The following YY1 variants were observed in gnomAD, a reference collection of about 807,000 sequenced individuals.
YY1 encodes YY1 transcription factor.
A neutral mutation model predicts 35.6 loss-of-function variants in YY1; 2 were observed. The ratio of observed to expected loss-of-function variants is 0.06; its 90% CI spans 0.02 to 0.18. YY1 has a LOEUF of 0.18. Ranked by LOEUF, YY1 falls within the 10% of genes least tolerant of loss-of-function variation. YY1 has a pLI of 1.00. For missense variants in YY1, 322 were observed against 573.4 expected, an observed-to-expected ratio of 0.56 and a Z score of 4.48; for synonymous variants, 268 against 238.9, an observed-to-expected ratio of 1.12 and a Z score of -1.12.
intron 1 of YY1, among the ~76,000 whole-genome samples, chr14:100,244,484 T>C (rs1395945500): frequency 2.0e-5 from 3 of 151,548 alleles, no homozygotes; most frequent in African/African-American, 4.9e-5. Context: ...AGTTTCGCCA[T>C]GTTGCCCAGG....
chr14:100,275,535 G>A (rs1451476743), intron 3 of YY1, among the ~76,000 whole-genome samples: 1 of 152,150 alleles, frequency 6.6e-6, no homozygotes, highest in Non-Finnish European at 1.5e-5. Flanking sequence ...AAGTGCCTAT[G>A]CCATCCCTTT....
chr14:100,276,355 G>A lies in YY1; in HGVS notation c.904-135G>A, dbSNP rs1008755900. 105 of 1,198,292 alleles carry A rather than the reference G, an allele frequency of 8.8e-5. No homozygotes were observed. The highest frequency in any genetic ancestry group is 2.6e-4 in the Admixed American group (13 of 50,022). 74.2% of individuals were successfully genotyped at this position (1,198,292 alleles called of 1,614,324 possible). ...TCTTAAATGATATTAATGTTCTACC[G>A]TAATACTAAGTAAAATTAAAATGGG... On this transcript the variant is annotated intron_variant, in intron 3 of 4. Transcript: ENST00000262238. This position sits in a 1 kb window ranked among gnomAD's most constrained non-coding sequence, Gnocchi z 4.1.
intron 1 of YY1, among the ~76,000 whole-genome samples, chr14:100,256,543 A>G (rs1891008757): frequency 6.6e-6 from 1 of 152,258 alleles, no homozygotes; most frequent in South Asian, 2.1e-4. Context: ...GTTATATGTT[A>G]CAACAGGTGG....
At chr14:100,249,284 C>A (rs1890886631) in intron 1 of YY1, among the ~76,000 whole-genome samples, 1 of 151,500 alleles carries the variant, frequency 6.6e-6, no homozygotes, top group African/African-American at 2.4e-5. Flanking sequence ...CTACACCCAG[C>A]TAATTTTTGT....
chr14:100,240,016 G>A (rs970179497), intron 1 of YY1, 93 bp downstream of exon 1: 20 of 1,274,454 alleles, frequency 1.6e-5, no homozygotes, highest in African/African-American at 3.2e-5. Flanking sequence ...CATCTTCTTC[G>A]CCAGGGCAAG....
At chr14:100,243,150 T>G (rs1317860166) in intron 1 of YY1, among the ~76,000 whole-genome samples, 1 of 152,242 alleles carries the variant, frequency 6.6e-6, no homozygotes. Context: ...TGAAGGTGAT[T>G]TCATCTTCAG....
rs571482069 is a variant in YY1, at chr14:100,278,300, CTTTT to C, written c.*706_*709del. The C allele has an allele frequency of 6.6e-6, 1 of 151,730 alleles. No homozygotes were observed. The highest frequency in any genetic ancestry group is 1.5e-5 in the Non-Finnish European group (1 of 67,832). The allele number at this position is 151,730 out of a possible 1,614,324, so 9.4% of individuals were successfully genotyped here. Reference sequence around the variant, plus strand: ...AATCAATTTAAACCCATTTTAGTCACTTTTTTTTTCCAAAAAAATACTGCCAGAT... The same window carrying C: ...AATCAATTTAAACCCATTTTAGTCACTTTTTCCAAAAAAATACTGCCAGAT... On this transcript the variant is annotated 3_prime_UTR_variant, in exon 5 of 5. Coordinates refer to ENST00000262238, the MANE Select transcript of YY1 (RefSeq NM_003403.5).
At chr14:100,250,595 T>C (rs1489447996) in intron 1 of YY1, among the ~76,000 whole-genome samples, 1 of 152,178 alleles carries the variant, frequency 6.6e-6, no homozygotes, top group African/African-American at 2.4e-5. Context: ...ATATTAATTC[T>C]GAGGAAATAA....
chr14:100,239,930 G>A lies in YY1; in HGVS notation c.679+7G>A, dbSNP rs1890701705. ...GTCACCATGTGGTCCTCAGGTGAGC[G>A]CCGGCCGCGCGCCCCGGCCCCGGGA... On this transcript the variant is annotated splice_region_variant and intron_variant, in intron 1 of 4. Coordinates refer to ENST00000262238, the MANE Select transcript of YY1 (RefSeq NM_003403.5). 3 of 1,518,792 alleles carry A rather than the reference G, an allele frequency of 2.0e-6. No individual in the cohort carries two copies. The highest frequency in any genetic ancestry group is 1.4e-5 in the African/African-American group (1 of 69,228). The allele number at this position is 1,518,792 out of a possible 1,614,324, so 94.1% of individuals were successfully genotyped here.
intron 1 of YY1, among the ~76,000 whole-genome samples, chr14:100,247,867 G>T (rs775889719): frequency 6.6e-6 from 1 of 152,180 alleles, no homozygotes; most frequent in African/African-American, 2.4e-5. Flanking sequence ...ATGAGTTGGG[G>T]TAGCGGTATC....
At chr14:100,240,719 C>G (rs555337695) in intron 1 of YY1, among the ~76,000 whole-genome samples, 1 of 152,318 alleles carries the variant, frequency 6.6e-6, no homozygotes, top group South Asian at 2.1e-4. Context: ...CTGGCCTTTT[C>G]GCCTTCCTGC....
At position 100,239,340 on chromosome 14, in the gene YY1, G is replaced by A; in HGVS notation, c.96G>A (p.Pro32=). Residue 32 remains proline, a synonymous_variant, in exon 1 of 5, where the codon CCG becomes CCA. Coordinates refer to ENST00000262238, the MANE Select transcript of YY1 (RefSeq NM_003403.5). ...ACGAGATCGAGGTGGAGACCATCCCGGTGGAGACCATCGAGACCACAGTGG... is the reference window on the plus strand; with the variant it reads ...ACGAGATCGAGGTGGAGACCATCCCAGTGGAGACCATCGAGACCACAGTGG... The part of the protein sequence containing the change: ...ELHEIEVETI[P]VETIETTVVG... 1.2e-6 allele frequency: 2 copies of A among 1,605,120 alleles called. No homozygotes were observed. Among genetic ancestry groups the A allele is most frequent in the Non-Finnish European group, 1.7e-6 (2 of 1,176,576 alleles).
intron 1 of YY1, among the ~76,000 whole-genome samples, chr14:100,255,210 A>G (rs1188236181): frequency 2.0e-5 from 3 of 152,104 alleles, no homozygotes; most frequent in Admixed American, 6.6e-5. Flanking sequence ...CATAAATGTG[A>G]TAACATGTGT....
Position 100,277,395 on chromosome 14 carries a change from G to C in YY1, c.1063-23G>C. 6.2e-7 allele frequency: 1 copy of C among 1,614,164 alleles called. No individual in the cohort carries two copies. On this transcript the variant is annotated intron_variant, in intron 4 of 4. Transcript: ENST00000262238. The surrounding 1 kb of genome is among the most constrained non-coding windows in gnomAD (Gnocchi z 5.6). ...TCTGGTCAGAGTTGCTGAGTGGGTTGATCTCTGGTCTTTCCTTGACAGTGC... is the reference window on the plus strand; with the variant it reads ...TCTGGTCAGAGTTGCTGAGTGGGTTCATCTCTGGTCTTTCCTTGACAGTGC...
Position 100,277,450 on chromosome 14 carries a change from A to T in YY1, c.1095A>T (p.Ser365=), listed in dbSNP as rs1891339962. The part of the protein sequence containing the change: ...CTFEGCGKRF[S]LDFNLRTHVR... ...TCGAAGGCTGTGGGAAACGCTTTTC[A>T]CTGGACTTCAATTTGCGCACACATG... Residue 365 remains serine, a synonymous_variant, in exon 5 of 5, where the codon TCA becomes TCT. Transcript: ENST00000262238. The surrounding 1 kb of genome is among the most constrained non-coding windows in gnomAD (Gnocchi z 5.6). 6.2e-7 allele frequency: 1 copy of T among 1,614,114 alleles called. No homozygotes were observed. The highest frequency in any genetic ancestry group is 1.3e-5 in the African/African-American group (1 of 74,938).
At chr14:100,240,085 G>T (rs1421661804) in intron 1 of YY1, among the ~76,000 whole-genome samples, 162 bp downstream of exon 1, 3 of 146,716 alleles carry the variant, frequency 2.0e-5, no homozygotes, top group Non-Finnish European at 4.5e-5. Flanking sequence ...GGCGGCGGCG[G>T]GCGGCGGGCC....
chr14:100,247,985 G>T (rs543337966), intron 1 of YY1, among the ~76,000 whole-genome samples: 1 of 152,082 alleles, frequency 6.6e-6, no homozygotes, highest in Admixed American at 6.6e-5. Flanking sequence ...TTACTCTGTT[G>T]CCCAGGCTGG....
chr14:100,267,527 G>C (rs1290187901), intron 2 of YY1, among the ~76,000 whole-genome samples: 1 of 101,902 alleles, frequency 9.8e-6, no homozygotes, highest in South Asian at 4.6e-4. Context: ...ATTCTACATA[G>C]TAGCTTTTTT....
chr14:100,247,967 A>G (rs2139572046), intron 1 of YY1, among the ~76,000 whole-genome samples: 1 of 152,098 alleles, frequency 6.6e-6, no homozygotes, highest in South Asian at 2.1e-4. Context: ...TTTCTTTTTT[A>G]CAGAGTCTTA....
Sources: gnomAD v4.1 joint callset for allele counts (sites outside exome capture counted in the v4.1 genomes callset) on GRCh38, gnomAD v4.1.1 for gene constraint, Gnocchi (gnomAD v3.1) non-coding constraint, MANE v1.5 for transcripts, NCBI Gene and HGNC (gene_info 2026-07-23, HGNC 2026-07-21) for gene names.